PPP1R21: variants seen among roughly 807,000 people sequenced by gnomAD.
PPP1R21 encodes the protein protein phosphatase 1 regulatory subunit 21, also known as KLRAQ motif containing 1.
Under a neutral mutation model 112.8 loss-of-function variants are expected in PPP1R21, and 85 were observed. That is an observed-to-expected ratio of 0.75 (90% CI 0.63 to 0.90). PPP1R21 has a LOEUF of 0.90. Ranked by LOEUF, PPP1R21 falls within the 40% of genes least tolerant of loss-of-function variation. PPP1R21 has a pLI of 0.00. For synonymous variants in PPP1R21, 381 were observed against 322.3 expected (o/e 1.18, Z -1.95); for missense variants, 1,199 against 901.5 (o/e 1.33, Z -4.23).
chr2:48,501,989 G>C (rs1021735099), intron 17 of PPP1R21: 4 of 152,168 alleles, frequency 2.6e-5, no homozygotes, highest in Admixed American at 1.3e-4. Context: ...TTTCTGTATC[G>C]TTCCAATTTT....
intron 1 of PPP1R21, 32 bp downstream of exon 1, chr2:48,441,042 C>T: frequency 6.6e-7 from 1 of 1,525,362 alleles, no homozygotes; most frequent in Non-Finnish European, 9.1e-7. Flanking sequence ...TAGGGGGTCC[C>T]CCGCCCTGCG....
In PPP1R21 at chr2:48,515,159, ACTT is replaced by A. The variant is rs139697360; in HGVS notation, c.*419_*421del. 2,026 of 158,500 alleles carry A rather than the reference ACTT, an allele frequency of 0.013. 36 individuals are homozygous for A. The highest frequency in any genetic ancestry group is 0.044 in the African/African-American group (1,811 of 41,412). 9.8% of individuals were successfully genotyped at this position (158,500 alleles called of 1,614,324 possible). A position where few individuals can be genotyped will look rare whatever the true frequency, so the allele number is the denominator to read the frequency against. ...ATGCTTAAATTGTCAAACTGTCATT[ACTT>A]CTTATTATAGTTGAAGGCATTCTCC... On this transcript the variant is annotated 3_prime_UTR_variant, in exon 22 of 22. Coordinates refer to ENST00000294952, the MANE Select transcript of PPP1R21 (RefSeq NM_001135629.3).
intron 7 of PPP1R21, among the ~76,000 whole-genome samples, chr2:48,463,931 G>T (rs1399859922): frequency 6.6e-6 from 1 of 152,018 alleles, no homozygotes; most frequent in Non-Finnish European, 1.5e-5. Context: ...GAGGAGGAAT[G>T]GTATTAGGAG....
chr2:48,476,238 A>C (rs1163297415), intron 12 of PPP1R21, among the ~76,000 whole-genome samples: 1 of 152,194 alleles, frequency 6.6e-6, no homozygotes, highest in Non-Finnish European at 1.5e-5. Context: ...TCTTTCACTT[A>C]GCATCATGCT....
chr2:48,488,734 C>G (rs1435887073), intron 14 of PPP1R21, among the ~76,000 whole-genome samples: 2 of 151,990 alleles, frequency 1.3e-5, no homozygotes, highest in African/African-American at 2.4e-5. Flanking sequence ...GGTTTTCAAC[C>G]AAAATATTTG....
chr2:48,444,901 G>A (rs886833891), intron 1 of PPP1R21, among the ~76,000 whole-genome samples: 9 of 150,274 alleles, frequency 6.0e-5, no homozygotes, highest in Non-Finnish European at 1.2e-4. Context: ...CAGCAGGAAA[G>A]CCAAACATCC....
At chr2:48,479,197 C>T (rs545039480) in intron 12 of PPP1R21, among the ~76,000 whole-genome samples, 23 of 152,294 alleles carry the variant, frequency 1.5e-4, no homozygotes, top group African/African-American at 4.8e-4. Context: ...CACACTTGCT[C>T]AGAATTTAGC....
chr2:48,444,960 A>C (rs1667184478), intron 1 of PPP1R21, among the ~76,000 whole-genome samples: 1 of 152,038 alleles, frequency 6.6e-6, no homozygotes, highest in East Asian at 1.9e-4. Context: ...TTTGCATATA[A>C]AGGGAGCTTT....
chr2:48,497,970 A>G (rs1043143241), intron 16 of PPP1R21, among the ~76,000 whole-genome samples: 12 of 152,084 alleles, frequency 7.9e-5, no homozygotes, highest in Non-Finnish European at 1.5e-4. Flanking sequence ...CTATAGTTCT[A>G]ATTGTTTACA....
chr2:48,467,393 C>T (rs906724252), intron 9 of PPP1R21, among the ~76,000 whole-genome samples: 5 of 152,140 alleles, frequency 3.3e-5, no homozygotes, highest in South Asian at 4.1e-4. Context: ...AATAAATTAC[C>T]CCAAAACTTC....
At position 48,440,832 on chromosome 2, in the gene PPP1R21, C is replaced by CGGT. The variant is rs1666981919; in HGVS notation, c.-120_-119insTGG. On this transcript the variant is annotated 5_prime_UTR_variant, in exon 1 of 22. Transcript: ENST00000294952. Reference sequence around the variant, plus strand: ...GGAGGCGCGGCGGCGGCGGCGGCGGCGGCTGCGGTGGCCAAGCAGGCAGAT... The same window carrying CGGT: ...GGAGGCGCGGCGGCGGCGGCGGCGGCGGTGGCTGCGGTGGCCAAGCAGGCAGAT... 1 of 697,372 alleles carries CGGT rather than the reference C, an allele frequency of 1.4e-6. No individual in the cohort carries two copies. Among genetic ancestry groups the CGGT allele is most frequent in the Non-Finnish European group, 2.4e-6 (1 of 411,574 alleles). The allele number at this position is 697,372 out of a possible 1,614,324, so 43.2% of individuals were successfully genotyped here.
intron 15 of PPP1R21, among the ~76,000 whole-genome samples, chr2:48,495,317 C>T (rs1553344267): frequency 6.6e-6 from 1 of 152,140 alleles, no homozygotes; most frequent in Non-Finnish European, 1.5e-5. Context: ...GATTCTCGTG[C>T]CTCAGCTTCC....
At position 48,465,006 on chromosome 2, in the gene PPP1R21, A is replaced by G. The variant is rs760414025; in HGVS notation, c.747+17A>G. The G allele has an allele frequency of 1.3e-5, 20 of 1,554,204 alleles. No individual in the cohort carries two copies. The highest frequency in any genetic ancestry group is 1.6e-5 in the Non-Finnish European group (19 of 1,159,110). On this transcript the variant is annotated intron_variant, in intron 8 of 21. Transcript: ENST00000294952. ...AGACACCAGGTAAAGGATGAAGTAC[A>G]TGTTTTTATTTTCAGTTATATATAC... is the stretch of plus-strand genomic sequence containing the variant.
intron 1 of PPP1R21, among the ~76,000 whole-genome samples, chr2:48,443,761 C>T (rs532513600): frequency 6.6e-6 from 1 of 152,352 alleles, no homozygotes; most frequent in East Asian, 1.9e-4. Context: ...ATGCTCTCTC[C>T]AGTCCTATGC....
At chr2:48,475,490 A>G (rs1051992917) in intron 12 of PPP1R21, among the ~76,000 whole-genome samples, 1 of 152,312 alleles carries the variant, frequency 6.6e-6, no homozygotes, top group Non-Finnish European at 1.5e-5. Flanking sequence ...CTTTCCAACA[A>G]GTAGCGTAGG....
At chr2:48,490,336 A>G (rs1027116887) in intron 14 of PPP1R21, among the ~76,000 whole-genome samples, 2 of 152,324 alleles carry the variant, frequency 1.3e-5, no homozygotes, top group African/African-American at 2.4e-5. Flanking sequence ...TACAGGTTCA[A>G]TGAAAAGACA....
intron 19 of PPP1R21, among the ~76,000 whole-genome samples, chr2:48,508,631 G>T (rs915715881): frequency 2.0e-5 from 3 of 152,170 alleles, no homozygotes; most frequent in Non-Finnish European, 4.4e-5. Context: ...GATCCTCATT[G>T]TTTGGTTCTG....
intron 14 of PPP1R21, among the ~76,000 whole-genome samples, chr2:48,490,605 C>G (rs538176506): frequency 5.9e-4 from 90 of 152,154 alleles, no homozygotes; most frequent in African/African-American, 2.0e-3. Flanking sequence ...ATTCAAGATA[C>G]TATGTTATAT....
chr2:48,462,251 C>G (rs1214933230), intron 7 of PPP1R21, among the ~76,000 whole-genome samples: 1 of 152,190 alleles, frequency 6.6e-6, no homozygotes, highest in Non-Finnish European at 1.5e-5. Context: ...ATTTAAAGAT[C>G]ATTTGCTGAG....
Sources: allele counts gnomAD v4.1 joint callset (sites outside exome capture counted in the v4.1 genomes callset), GRCh38; gene constraint gnomAD v4.1.1; transcripts MANE v1.5; gene names NCBI Gene and HGNC (gene_info 2026-07-23, HGNC 2026-07-21).